Variants in CRPPA observed in about 807,000 individuals in gnomAD.
CRPPA encodes D-ribitol-5-phosphate cytidylyltransferase.
A neutral mutation model predicts 52.0 loss-of-function variants in CRPPA; 43 were observed. The observed-to-expected ratio is 0.83, with a 90% CI of 0.65 to 1.07. The LOEUF (loss-of-function observed/expected upper bound fraction) is 1.07. Among genes scored for constraint, CRPPA ranks in the 50% least tolerant of loss-of-function variants. The pLI is 0.00. For synonymous variants in CRPPA, 250 were observed against 203.5 expected, an observed-to-expected ratio of 1.23 and a Z score of -1.94; for missense variants, 629 against 551.7, an observed-to-expected ratio of 1.14 and a Z score of -1.40.
At chr7:16,335,134 C>T (rs899941320) in intron 3 of CRPPA, among the ~76,000 whole-genome samples, 1 of 53,728 alleles carries the variant, frequency 1.9e-5, no homozygotes, top group Non-Finnish European at 3.3e-5. Context: ...AGCCTGGCAA[C>T]ATAAAGAGAC....
chr7:16,140,085 G>A (rs1782839059), intron 9 of CRPPA, among the ~76,000 whole-genome samples: 1 of 151,970 alleles, frequency 6.6e-6, no homozygotes, highest in Non-Finnish European at 1.5e-5. Context: ...ACAAGATAGA[G>A]GAAAAATGAA....
intron 9 of CRPPA, among the ~76,000 whole-genome samples, chr7:16,181,977 G>T (rs1345296930): frequency 6.6e-6 from 1 of 151,736 alleles, no homozygotes; most frequent in Admixed American, 6.6e-5. Flanking sequence ...ATGAGCAACA[G>T]AACCATTATA....
Position 16,254,352 on chromosome 7 carries a change from C to T in CRPPA, c.1119+4038G>A, listed in dbSNP as rs187366412. ...TGGAACCAACCCAAATGCCCATCAA[C>T]GATAGACTGGATTAAGAAAATGTGG... On this transcript the variant is annotated intron_variant, in intron 8 of 9. Coordinates refer to ENST00000407010, the MANE Select transcript of CRPPA (RefSeq NM_001101426.4). Among the ~76,000 whole-genome samples the T allele has an allele frequency of 6.0e-3, 914 of 152,108 alleles. 8 individuals carry two copies. Among genetic ancestry groups the T allele is most frequent in the Non-Finnish European group, 7.1e-3 (484 of 67,980 alleles).
chr7:16,111,002 T>A (rs1268091622), intron 9 of CRPPA, among the ~76,000 whole-genome samples: 1 of 151,764 alleles, frequency 6.6e-6, no homozygotes, highest in East Asian at 1.9e-4. Context: ...TGGGAGAAAA[T>A]CTGTGCATGC....
At chr7:16,294,131 A>G (rs191687663) in intron 5 of CRPPA, among the ~76,000 whole-genome samples, 12 of 152,008 alleles carry the variant, frequency 7.9e-5, no homozygotes, top group Admixed American at 2.0e-4. Flanking sequence ...TAGTTGAGAG[A>G]AAAGTTAGAA....
At chr7:16,281,534 T>G (rs1784320445) in intron 5 of CRPPA, among the ~76,000 whole-genome samples, 1 of 152,130 alleles carries the variant, frequency 6.6e-6, no homozygotes, top group South Asian at 2.1e-4. Context: ...GGCTCTATGC[T>G]CATGGAAAAA....
intron 9 of CRPPA, among the ~76,000 whole-genome samples, chr7:16,211,686 C>A (rs957749274): frequency 2.6e-5 from 4 of 152,046 alleles, no homozygotes; most frequent in Non-Finnish European, 5.9e-5. Flanking sequence ...AGAGTAAATG[C>A]GGACCTTTGA....
At chr7:16,144,220 C>G (rs1782927631) in intron 9 of CRPPA, among the ~76,000 whole-genome samples, 1 of 152,180 alleles carries the variant, frequency 6.6e-6, no homozygotes, top group Admixed American at 6.5e-5. Context: ...TGCCAAGAGC[C>G]CCTTTCACCA....
chr7:16,247,361 G>C (rs1032781304), intron 8 of CRPPA, among the ~76,000 whole-genome samples: 1 of 152,046 alleles, frequency 6.6e-6, no homozygotes, highest in Non-Finnish European at 1.5e-5. Context: ...GTTATTAATT[G>C]GCCTGATTTC....
At chr7:16,301,386 A>C in intron 5 of CRPPA, 35 bp downstream of exon 5, 1 of 1,582,456 alleles carries the variant, frequency 6.3e-7, no homozygotes, top group Non-Finnish European at 8.7e-7. Context: ...ACATTTTTGA[A>C]ACACAGGAAC....
At chr7:16,412,831 C>A (rs1418095839) in intron 1 of CRPPA, among the ~76,000 whole-genome samples, 1 of 152,142 alleles carries the variant, frequency 6.6e-6, no homozygotes, top group Admixed American at 6.5e-5. Flanking sequence ...GGAACCTAGC[C>A]TTAAGCTCTA....
chr7:16,166,524 C>T lies in CRPPA; in HGVS notation c.1251+49542G>A, dbSNP rs144220031. Among the ~76,000 whole-genome samples the T allele has an allele frequency of 1.3e-3, 197 of 152,256 alleles. 1 individual carries two copies. Among genetic ancestry groups the T allele is most frequent in the Admixed American group, 5.4e-3 (83 of 15,290 alleles). ...CGAACTCCTGACCTCAGGTAATCCACCCCCCTCAATCTCTCAAAATGCTAG... is the reference window on the plus strand; with the variant it reads ...CGAACTCCTGACCTCAGGTAATCCATCCCCCTCAATCTCTCAAAATGCTAG... On this transcript the variant is annotated intron_variant, in intron 9 of 9. Coordinates refer to ENST00000407010, the MANE Select transcript of CRPPA (RefSeq NM_001101426.4).
At chr7:16,200,047 G>A (rs1781816658) in intron 9 of CRPPA, among the ~76,000 whole-genome samples, 1 of 151,810 alleles carries the variant, frequency 6.6e-6, no homozygotes, top group South Asian at 2.1e-4. Context: ...TAGTAGAGAT[G>A]GGATTTTACC....
At position 16,090,004 on chromosome 7, in the gene CRPPA, G is replaced by A. The variant is rs747675949; in HGVS notation, c.*1691C>T. ...TTTTCACCTGATGACTTCAACAGGT[G>A]CATGTTGGGGACTTGGCAGCTGTGG... On this transcript the variant is annotated 3_prime_UTR_variant, in exon 10 of 10. Transcript: ENST00000407010. 6.5e-6 allele frequency: 1 copy of A among 153,276 alleles called. No individual in the cohort carries two copies. Among genetic ancestry groups the A allele is most frequent in the Admixed American group, 6.5e-5 (1 of 15,482 alleles). The allele number at this position is 153,276 out of a possible 1,614,324, so 9.5% of individuals were successfully genotyped here. A position where few individuals can be genotyped will look rare whatever the true frequency, so the allele number is the denominator to read the frequency against.
chr7:16,293,690 C>T (rs558231920), intron 5 of CRPPA, among the ~76,000 whole-genome samples: 4 of 152,080 alleles, frequency 2.6e-5, no homozygotes, highest in Admixed American at 1.3e-4. Context: ...TCAAAGTGGT[C>T]TTCTGAAAAG....
chr7:16,319,630 T>C (rs1002433894), intron 3 of CRPPA, among the ~76,000 whole-genome samples: 10 of 152,092 alleles, frequency 6.6e-5, no homozygotes, highest in Non-Finnish European at 1.3e-4. Context: ...CCAAAGAAAA[T>C]TCTTCTAGTC....
intron 9 of CRPPA, among the ~76,000 whole-genome samples, chr7:16,213,266 A>G (rs1782200100): frequency 6.6e-6 from 1 of 152,220 alleles, no homozygotes; most frequent in African/African-American, 2.4e-5. Flanking sequence ...GATGACTTGC[A>G]CAGCAAAGTT....
In CRPPA at chr7:16,091,614, C is replaced by CCA. The variant is rs139003391; in HGVS notation, c.*79_*80dup. The CCA allele has an allele frequency of 0.012, 8,488 of 719,382 alleles. 461 individuals carry two copies. The African/African-American group carries it at 0.13, about 11-fold the overall frequency. The allele number at this position is 719,382 out of a possible 1,614,324, so 44.6% of individuals were successfully genotyped here. ...TATAAAAGACAACTGAAACATTCTACCACACACAGCAGCGGGGGCACAAAG... is the reference window on the plus strand; with the variant it reads ...TATAAAAGACAACTGAAACATTCTACCACACACACAGCAGCGGGGGCACAAAG... On this transcript the variant is annotated 3_prime_UTR_variant, in exon 10 of 10. Transcript: ENST00000407010.
Position 16,172,327 on chromosome 7 carries a change from T to C in CRPPA, c.1251+43739A>G, listed in dbSNP as rs574333601. ...CAGTCAGCTGCTGGGGTGGGCTCCA[T>C]CCTCACAGCAGGAACAGTCAAAAGC... On this transcript the variant is annotated intron_variant, in intron 9 of 9. Transcript: ENST00000407010. Among the ~76,000 whole-genome samples, 210 of 152,170 alleles carry C rather than the reference T, an allele frequency of 1.4e-3. 1 individual carries two copies. The highest frequency in any genetic ancestry group is 4.9e-3 in the African/African-American group (205 of 41,518).
Sources: gnomAD v4.1 joint callset for allele counts (sites outside exome capture counted in the v4.1 genomes callset) on GRCh38, gnomAD v4.1.1 for gene constraint, MANE v1.5 for transcripts, NCBI Gene and HGNC (gene_info 2026-07-23, HGNC 2026-07-21) for gene names.